Variants in ALOXE3 observed in about 807,000 individuals in gnomAD.
ALOXE3 encodes the protein arachidonate epidermal lipoxygenase 3.
ALOXE3 carries 78 observed loss-of-function variants against 87.5 expected under a neutral mutation model. The ratio of observed to expected loss-of-function variants is 0.89; its 90% confidence interval spans 0.74 to 1.08. The LOEUF is 1.08. Ranked by LOEUF, ALOXE3 falls within the 50% of genes least tolerant of loss-of-function variation. The pLI, the probability that ALOXE3 is intolerant of heterozygous loss-of-function variation, is 0.00. For synonymous variants in ALOXE3, 363 were observed against 370.8 expected, an observed-to-expected ratio of 0.98 and a Z score of 0.24; for missense variants, 946 against 912.4, an observed-to-expected ratio of 1.04 and a Z score of -0.47.
intron 6 of ALOXE3, among the ~76,000 whole-genome samples, chr17:8,113,558 T>C (rs967447847): frequency 6.7e-6 from 1 of 149,522 alleles, no homozygotes; most frequent in Non-Finnish European, 1.5e-5. Flanking sequence ...GAGGCTGAGG[T>C]GGGAGAATTG....
chr17:8,107,831 A>AAGAT (rs1567996022), intron 13 of ALOXE3, among the ~76,000 whole-genome samples: 1 of 2,242 alleles, frequency 4.5e-4, no homozygotes, highest in East Asian at 6.8e-3. Flanking sequence ...GAAAGAAAGA[A>AAGAT]AGAAAGAAAG....
chr17:8,115,195 C>T, intron 4 of ALOXE3, 138 bp from the exon 5 acceptor site: 1 of 1,235,482 alleles, frequency 8.1e-7, no homozygotes, highest in Admixed American at 1.9e-5. Flanking sequence ...GGACATTTCT[C>T]CATGAAAGCA....
chr17:8,107,928 AG>A (rs1979552093), intron 13 of ALOXE3, among the ~76,000 whole-genome samples: 1 of 6,096 alleles, frequency 1.6e-4, no homozygotes, highest in Admixed American at 1.4e-3. Context: ...AAAGAAAGAA[AG>A]AAAGAAAGAA....
At chr17:8,108,059 GAAAGA>G (rs1555647176) in intron 13 of ALOXE3, among the ~76,000 whole-genome samples, 1 of 150,096 alleles carries the variant, frequency 6.7e-6, no homozygotes, top group African/African-American at 2.4e-5. Flanking sequence ...AAGAAAGAAA[GAAAGA>G]AAGGAAGAGA....
At chr17:8,108,809 G>A (rs1234133531) in intron 12 of ALOXE3, among the ~76,000 whole-genome samples, 1 of 152,108 alleles carries the variant, frequency 6.6e-6, no homozygotes, top group South Asian at 2.1e-4. Flanking sequence ...ACAGGGGCCT[G>A]GGGGGTGGGC....
At position 8,114,626 on chromosome 17, in the gene ALOXE3, T is replaced by C; in HGVS notation, c.555-17A>G. 6.2e-7 allele frequency: 1 copy of C among 1,612,508 alleles called. No homozygotes were observed. Among genetic ancestry groups the C allele is most frequent in the African/African-American group, 1.3e-5 (1 of 74,454 alleles). ...TTCCCACTGCTGGGGGTCGGGGGAG[T>C]AGAAAGACAGAAACCAGTCAGTGGG... On this transcript the variant is annotated splice_polypyrimidine_tract_variant and intron_variant, in intron 5 of 15. Coordinates refer to ENST00000448843, the MANE Select transcript of ALOXE3 (RefSeq NM_021628.3).
In ALOXE3 at chr17:8,110,565, A is replaced by C. The variant is rs756165413; in HGVS notation, c.958-37T>G. The C allele has an allele frequency of 3.1e-6, 5 of 1,612,610 alleles. No individual in the cohort carries two copies. The South Asian group carries it at 5.5e-5, about 18-fold the overall frequency. On this transcript the variant is annotated intron_variant, in intron 8 of 15. Coordinates refer to ENST00000448843, the MANE Select transcript of ALOXE3 (RefSeq NM_021628.3). ...ACACAGAGGCTGAGTGTCCCTCCCT[A>C]CTCGCGCTCCACTTCCCTCCCATTT...
chr17:8,110,044 A>C lies in ALOXE3; in HGVS notation c.1306-42T>G, dbSNP rs763127321. 10 of 1,576,662 alleles carry C rather than the reference A, an allele frequency of 6.3e-6. No homozygotes were observed. In the South Asian group the frequency reaches 1.1e-4, roughly 18 times the overall value. The stretch of plus-strand genomic sequence containing the variant: ...TCACGTGAGCTGAAGGCCGGGGACA[A>C]GGCCGCCCGGCCCCTGCCCCGCTGG... On this transcript the variant is annotated intron_variant, in intron 10 of 15. Coordinates refer to ENST00000448843, the MANE Select transcript of ALOXE3 (RefSeq NM_021628.3).
At chr17:8,114,371 T>C in intron 6 of ALOXE3, 113 bp downstream of exon 6, 3 of 1,373,818 alleles carry the variant, frequency 2.2e-6, no homozygotes, top group Non-Finnish European at 3.0e-6. Context: ...GAGGAGGGAC[T>C]GGGGCAGGGA....
chr17:8,113,732 A>G (rs1980307041), intron 6 of ALOXE3, among the ~76,000 whole-genome samples: 1 of 151,606 alleles, frequency 6.6e-6, no homozygotes. Flanking sequence ...CATAGGATGT[A>G]TAAAGATGTG....
intron 15 of ALOXE3, among the ~76,000 whole-genome samples, chr17:8,098,238 T>TTG (rs1978686356): frequency 2.3e-5 from 3 of 128,018 alleles, no homozygotes; most frequent in South Asian, 2.6e-4. Context: ...GTTTTTGTTT[T>TTG]TTTTTTTTTT....
intron 4 of ALOXE3, among the ~76,000 whole-genome samples, 185 bp from the exon 5 acceptor site, chr17:8,115,242 A>C (rs1025035466): frequency 6.6e-6 from 1 of 152,244 alleles, no homozygotes; most frequent in East Asian, 1.9e-4. Context: ...GGATGGCATT[A>C]ATGCCCACAC....
intron 6 of ALOXE3, among the ~76,000 whole-genome samples, chr17:8,112,436 C>T (rs558971677): frequency 9.8e-4 from 150 of 152,306 alleles, no homozygotes; most frequent in African/African-American, 3.4e-3. Flanking sequence ...TTGGCACACA[C>T]GGCCCTATGG....
Position 8,109,321 on chromosome 17 carries a change from C to T in ALOXE3, c.1415G>A (p.Gly472Asp), listed in dbSNP as rs138290721. The T allele has an allele frequency of 5.0e-6, 8 of 1,613,880 alleles. No homozygotes were observed. The African/African-American group carries it at 8.0e-5, about 16-fold the overall frequency. The change falls in exon 12 of 16, where the codon GGC becomes GAC. Residue 472 changes from glycine to aspartate, a missense_variant. Gly to Asp is a moderately conservative substitution (Grantham distance 94, BLOSUM62 -1). Transcript: ENST00000448843. ...VDQVTSIGRQ[G>D]LIYLMSTGLA... Reference sequence around the variant, plus strand: ...GCCCGTGCTCATGAGGTAGATGAGGCCTTGCCTCCCGATGGACGTGACCTG... The same window carrying T: ...GCCCGTGCTCATGAGGTAGATGAGGTCTTGCCTCCCGATGGACGTGACCTG...
Position 8,096,741 on chromosome 17 carries a change from G to T in ALOXE3, c.2022C>A (p.Ala674=). 2.5e-6 allele frequency: 4 copies of T among 1,614,216 alleles called. No individual in the cohort carries two copies. Among genetic ancestry groups the T allele is most frequent in the Non-Finnish European group, 3.4e-6 (4 of 1,180,024 alleles). ...TEEAPRRSIA[A]FQSRLAQISR... ...AGATCTGGGCCAGGCGGCTCTGGAA[G>T]GCGGCGATGCTCCGCCTCGGGGCCT... Residue 674 remains alanine, a synonymous_variant, in exon 16 of 16, where the codon GCC becomes GCA. Transcript: ENST00000448843.
chr17:8,118,592 G>C, upstream of ALOXE3: 2 of 1,529,102 alleles, frequency 1.3e-6, no homozygotes, highest in East Asian at 2.5e-5. Context: ...AGTCGCACAC[G>C]CATTCCAGCA....
rs1022954611 is a variant in ALOXE3, at chr17:8,100,029, G to A, written c.1957-3223C>T. Among the ~76,000 whole-genome samples, 4 of 151,826 alleles carry A rather than the reference G, an allele frequency of 2.6e-5. No homozygotes were observed. In the East Asian group the frequency reaches 7.8e-4, roughly 29 times the overall value. The stretch of plus-strand genomic sequence containing the variant: ...TGCAGTGAGCCATGATCATGTCACT[G>A]CACTCCAGCCTGGGTGACCCTGTCT... On this transcript the variant is annotated intron_variant, in intron 15 of 15. Transcript: ENST00000448843.
At chr17:8,101,083 A>T (rs1177158016) in intron 15 of ALOXE3, among the ~76,000 whole-genome samples, 1 of 148,638 alleles carries the variant, frequency 6.7e-6, no homozygotes, top group African/African-American at 2.5e-5. Flanking sequence ...GCTGGAGTTC[A>T]GTGGTACCAT....
At chr17:8,101,927 A>C (rs1265556126) in intron 15 of ALOXE3, among the ~76,000 whole-genome samples, 2 of 152,210 alleles carry the variant, frequency 1.3e-5, no homozygotes, top group Non-Finnish European at 2.9e-5. Flanking sequence ...GGCACGAGCC[A>C]CTGTGCCCAG....
Sources: allele counts gnomAD v4.1 joint callset (sites outside exome capture counted in the v4.1 genomes callset), GRCh38; gene constraint gnomAD v4.1.1; transcripts MANE v1.5; gene names NCBI Gene and HGNC (gene_info 2026-07-23, HGNC 2026-07-21).